Variants in FOXN3 observed in about 807,000 individuals in gnomAD.
FOXN3 encodes the protein forkhead box N3.
In FOXN3, 7 loss-of-function variants were observed where a neutral mutation model predicts 38.4. That is an observed-to-expected ratio of 0.18 (90% CI 0.10 to 0.34). FOXN3 has a LOEUF of 0.34. Among genes scored for constraint, FOXN3 ranks in the 10% least tolerant of loss-of-function variants. The pLI is 1.00. For synonymous variants in FOXN3, 230 were observed against 242.2 expected (o/e 0.95, Z 0.47); for missense variants, 456 against 613.4 (o/e 0.74, Z 2.71).
intron 1 of FOXN3, among the ~76,000 whole-genome samples, chr14:89,487,789 T>C (rs552963256): frequency 6.6e-6 from 1 of 152,274 alleles, no homozygotes; most frequent in East Asian, 1.9e-4. Flanking sequence ...TTATTTCTTA[T>C]AACGGCTGGA....
Position 89,358,359 on chromosome 14 carries a change from G to T in FOXN3, c.544-7551C>A, listed in dbSNP as rs1016086070. On this transcript the variant is annotated intron_variant, in intron 2 of 5. Coordinates refer to ENST00000557258, the MANE Select transcript of FOXN3 (RefSeq NM_005197.4). ...AGGAGTTTTCAGGGTTAAGGGATTT[G>T]GGCTGGGTCCTGTGGGATGGGTGGG... Among the ~76,000 whole-genome samples, 28 of 152,208 alleles carry T rather than the reference G, an allele frequency of 1.8e-4. 1 individual carries two copies. The highest frequency in any genetic ancestry group is 3.9e-4 in the African/African-American group (16 of 41,444).
Position 89,162,446 on chromosome 14 carries a change from G to T in FOXN3, c.1375C>A (p.Gln459Lys). Residue 459 changes from glutamine (Q) to lysine (K), a missense_variant, in exon 6 of 6, where the codon CAG (glutamine) becomes AAG (lysine). Transcript: ENST00000557258. This position sits in a 1 kb window ranked among gnomAD's most constrained non-coding sequence, Gnocchi z 7.2. ...NNITNRTAKG[Q>K]KEQKETTKN ...TTTGTGGTTTCCTTTTGCTCTTTCT[G>T]CCCCTTTGCCGTCCGATTGGTGATG... is the stretch of plus-strand genomic sequence containing the variant. 1 of 1,585,352 alleles carries T rather than the reference G, an allele frequency of 6.3e-7. No individual in the cohort carries two copies. The highest frequency in any genetic ancestry group is 8.6e-7 in the Non-Finnish European group (1 of 1,166,716).
At chr14:89,583,100 C>T (rs544073062) in intron 1 of FOXN3, among the ~76,000 whole-genome samples, 4 of 152,292 alleles carry the variant, frequency 2.6e-5, no homozygotes, top group East Asian at 3.9e-4. Flanking sequence ...TGAATGTACG[C>T]TTTCATTTCT....
At chr14:89,569,630 A>G (rs1034935420) in intron 1 of FOXN3, among the ~76,000 whole-genome samples, 3 of 152,234 alleles carry the variant, frequency 2.0e-5, no homozygotes, top group African/African-American at 7.2e-5. Flanking sequence ...AATCCAACAT[A>G]TATTTGTTGA....
At chr14:89,259,733 G>C (rs1378027823) in intron 4 of FOXN3, among the ~76,000 whole-genome samples, 1 of 152,202 alleles carries the variant, frequency 6.6e-6, no homozygotes, top group Non-Finnish European at 1.5e-5. Flanking sequence ...GAGCACCAAA[G>C]TACAGACCAG....
rs150686847 is a variant in FOXN3, at chr14:89,383,377, G to A, written c.543+28557C>T. Reference sequence around the variant, plus strand: ...AGGCAAAATGACGACAAAAATCAGAGGTGAGTGTATTGCACCAAATTAGGT... The same window carrying A: ...AGGCAAAATGACGACAAAAATCAGAAGTGAGTGTATTGCACCAAATTAGGT... On this transcript the variant is annotated intron_variant, in intron 2 of 5. Coordinates refer to ENST00000557258, the MANE Select transcript of FOXN3 (RefSeq NM_005197.4). 1.9e-3 allele frequency among the ~76,000 whole-genome samples: 289 copies of A among 152,292 alleles called. 2 individuals are homozygous for A. The highest frequency in any genetic ancestry group is 6.7e-3 in the African/African-American group (280 of 41,550).
chr14:89,275,159 T>C (rs950526606), intron 4 of FOXN3, among the ~76,000 whole-genome samples: 5 of 152,134 alleles, frequency 3.3e-5, no homozygotes, highest in Non-Finnish European at 7.4e-5. Context: ...CACTTCCAGG[T>C]TGTCCAAACC....
chr14:89,567,845 C>G (rs935660716), intron 1 of FOXN3, among the ~76,000 whole-genome samples: 1 of 151,688 alleles, frequency 6.6e-6, no homozygotes, highest in Non-Finnish European at 1.5e-5. Context: ...ACCTCAGCCT[C>G]CAGAGTAGCT....
intron 3 of FOXN3, among the ~76,000 whole-genome samples, chr14:89,344,216 A>G (rs1888701720): frequency 6.6e-6 from 1 of 151,910 alleles, no homozygotes; most frequent in South Asian, 2.1e-4. Flanking sequence ...CTATGATGTC[A>G]TTATTTTTAC....
At position 89,484,163 on chromosome 14, in the gene FOXN3, A is replaced by T. The variant is rs1475237273; in HGVS notation, c.-14-71673T>A. 6.6e-6 allele frequency among the ~76,000 whole-genome samples: 1 copy of T among 152,184 alleles called. No homozygotes were observed. Among genetic ancestry groups the T allele is most frequent in the East Asian group, 1.9e-4 (1 of 5,196 alleles). ...ACCAATTCGCTTTCTCACTCCAGAA[A>T]ATCCCCCCTTCTGCTCCTTCCTATT... On this transcript the variant is annotated intron_variant, in intron 1 of 6. Coordinates refer to the FOXN3 transcript ENST00000345097. The surrounding 1 kb of genome is among the most constrained non-coding windows in gnomAD (Gnocchi z 4.0).
At chr14:89,455,078 C>G (rs762206222) in intron 1 of FOXN3, among the ~76,000 whole-genome samples, 1 of 152,142 alleles carries the variant, frequency 6.6e-6, no homozygotes, top group African/African-American at 2.4e-5. Context: ...TGCAGGAGAG[C>G]GACTCAGGAA....
At chr14:89,566,620 G>C (rs1895356897) in intron 1 of FOXN3, among the ~76,000 whole-genome samples, 1 of 152,232 alleles carries the variant, frequency 6.6e-6, no homozygotes, top group African/African-American at 2.4e-5. Flanking sequence ...GGAAAACTGG[G>C]AAGTGAAAAT....
chr14:89,233,887 T>C (rs1884898116), intron 4 of FOXN3, among the ~76,000 whole-genome samples: 1 of 152,246 alleles, frequency 6.6e-6, no homozygotes, highest in Admixed American at 6.5e-5. Context: ...TCTAGGTCCC[T>C]ATTTTCTAAA....
At chr14:89,360,739 G>GCACTACCTCCACCACCACCTCCACCAC (rs1889474714) in intron 2 of FOXN3, among the ~76,000 whole-genome samples, 1 of 64,964 alleles carries the variant, frequency 1.5e-5, no homozygotes, top group African/African-American at 7.0e-5. Flanking sequence ...ACCACCTCCA[G>GCACTACCTCCACCACCACCTCCACCAC]CACCACCTCC....
intron 3 of FOXN3, among the ~76,000 whole-genome samples, chr14:89,324,259 T>G (rs1887977362): frequency 6.6e-6 from 1 of 152,104 alleles, no homozygotes; most frequent in Non-Finnish European, 1.5e-5. Context: ...TTTTGATGGG[T>G]TAAATTAGCA....
chr14:89,441,447 A>ACCTTCTTGGGGC (rs1156567530), intron 1 of FOXN3, among the ~76,000 whole-genome samples: 1 of 152,242 alleles, frequency 6.6e-6, no homozygotes, highest in Non-Finnish European at 1.5e-5. Flanking sequence ...GGGCAGTAAT[A>ACCTTCTTGGGGC]AGCCGGGGCA....
At chr14:89,166,406 A>G (rs1887243979) in intron 5 of FOXN3, among the ~76,000 whole-genome samples, 1 of 152,182 alleles carries the variant, frequency 6.6e-6, no homozygotes, top group Admixed American at 6.5e-5. Context: ...ACCACCTAGA[A>G]TCAGACTGCA....
chr14:89,387,886 A>G (rs1012889684), intron 2 of FOXN3, among the ~76,000 whole-genome samples: 14 of 152,202 alleles, frequency 9.2e-5, no homozygotes, highest in African/African-American at 3.4e-4. Context: ...AACATGAAAT[A>G]AGGTGGCTAA....
intron 2 of FOXN3, among the ~76,000 whole-genome samples, chr14:89,396,971 C>T (rs1446539264): frequency 6.6e-6 from 1 of 151,418 alleles, no homozygotes; most frequent in Non-Finnish European, 1.5e-5. Context: ...CCTTTTTCTC[C>T]ATAAATTTCT....
Sources: gnomAD v4.1 joint callset for allele counts (sites outside exome capture counted in the v4.1 genomes callset) on GRCh38, gnomAD v4.1.1 for gene constraint, Gnocchi (gnomAD v3.1) non-coding constraint, MANE v1.5 for transcripts, NCBI Gene and HGNC (gene_info 2026-07-23, HGNC 2026-07-21) for gene names.